RAB3C: variants seen among roughly 807,000 people sequenced by gnomAD.
The protein encoded by RAB3C is RAB3C, member RAS oncogene family.
Under a neutral mutation model 26.4 loss-of-function variants are expected in RAB3C, and 17 were observed. The ratio of observed to expected loss-of-function variants is 0.64; its 90% CI spans 0.44 to 0.97. The LOEUF is 0.97. Ranked by LOEUF, RAB3C falls within the 50% of genes least tolerant of loss-of-function variation. The pLI is 0.00. For missense variants in RAB3C, 242 were observed against 281.9 expected (o/e 0.86, Z 1.01); for synonymous variants, 91 against 95.9 (o/e 0.95, Z 0.30).
At chr5:58,753,902 C>G (rs996371797) in intron 3 of RAB3C, among the ~76,000 whole-genome samples, 5 of 152,040 alleles carry the variant, frequency 3.3e-5, no homozygotes, top group African/African-American at 1.2e-4. Flanking sequence ...AAACAGTAGC[C>G]CTTTAAATAT....
chr5:58,714,301 A>G (rs947279515), intron 2 of RAB3C, among the ~76,000 whole-genome samples: 10 of 148,502 alleles, frequency 6.7e-5, no homozygotes, highest in Admixed American at 2.0e-4. Context: ...GGTATCAACT[A>G]AAGCCTGAAG....
chr5:58,715,225 G>A (rs553855141), intron 2 of RAB3C, among the ~76,000 whole-genome samples: 1 of 151,314 alleles, frequency 6.6e-6, no homozygotes, highest in South Asian at 2.1e-4. Flanking sequence ...AGTTTCCTGT[G>A]CATCTTTTTT....
chr5:58,815,119 T>A (rs1743187760), intron 3 of RAB3C, among the ~76,000 whole-genome samples: 1 of 152,268 alleles, frequency 6.6e-6, no homozygotes, highest in East Asian at 1.9e-4. Flanking sequence ...TTCCAGGAGA[T>A]ATATTATTTT....
At chr5:58,798,538 A>G (rs1742727311) in intron 3 of RAB3C, among the ~76,000 whole-genome samples, 1 of 152,214 alleles carries the variant, frequency 6.6e-6, no homozygotes. Flanking sequence ...ACAGGTAGAA[A>G]ATTCCACACC....
chr5:58,729,882 CACATAT>C (rs949415973), intron 3 of RAB3C, among the ~76,000 whole-genome samples: 1 of 139,292 alleles, frequency 7.2e-6, no homozygotes, highest in Non-Finnish European at 1.5e-5. Context: ...ATTATATATA[CACATAT>C]ACATATACTA....
At chr5:58,734,523 G>A (rs1018512636) in intron 3 of RAB3C, among the ~76,000 whole-genome samples, 3 of 151,982 alleles carry the variant, frequency 2.0e-5, no homozygotes, top group Non-Finnish European at 2.9e-5. Context: ...TCTTATTGCT[G>A]GTCGGACCCA....
At chr5:58,834,220 A>C (rs1743683222) in intron 4 of RAB3C, among the ~76,000 whole-genome samples, 1 of 152,220 alleles carries the variant, frequency 6.6e-6, no homozygotes, top group Non-Finnish European at 1.5e-5. Flanking sequence ...AGGATCATTT[A>C]GTAAGCTGGG....
chr5:58,833,419 C>T (rs1743666013), intron 4 of RAB3C, among the ~76,000 whole-genome samples: 1 of 151,518 alleles, frequency 6.6e-6, no homozygotes, highest in Non-Finnish European at 1.5e-5. Flanking sequence ...TTTTTAGCTC[C>T]TTAGGTGATT....
intron 2 of RAB3C, among the ~76,000 whole-genome samples, chr5:58,715,478 A>G (rs183789492): frequency 6.6e-6 from 1 of 152,228 alleles, no homozygotes; most frequent in Non-Finnish European, 1.5e-5. Context: ...AGAATCTTGA[A>G]TAGGTGGAAC....
intron 2 of RAB3C, 109 bp from the exon 3 acceptor site, chr5:58,725,890 CACA>C (rs2111920005): frequency 3.3e-6 from 2 of 603,900 alleles, no homozygotes; most frequent in South Asian, 6.1e-5. Flanking sequence ...GACAGCTATA[CACA>C]ACAAGTACAT....
intron 4 of RAB3C, among the ~76,000 whole-genome samples, chr5:58,829,437 T>G (rs1743565401): frequency 6.6e-6 from 1 of 151,958 alleles, no homozygotes; most frequent in African/African-American, 2.4e-5. Flanking sequence ...AGAAAGAAAT[T>G]TATAGAGGAG....
chr5:58,805,439 G>T (rs1385591779), intron 3 of RAB3C, among the ~76,000 whole-genome samples: 1 of 151,902 alleles, frequency 6.6e-6, no homozygotes, highest in Non-Finnish European at 1.5e-5. Flanking sequence ...ACAAAAATTA[G>T]CCAGGTGTGG....
At chr5:58,582,902 G>A, upstream of RAB3C, 1 of 502,712 alleles carries the variant, frequency 2.0e-6, no homozygotes. Flanking sequence ...GAGGCTCCGC[G>A]GCCGAGCCCG....
chr5:58,747,105 T>G (rs1485412398), intron 3 of RAB3C, among the ~76,000 whole-genome samples: 1 of 152,196 alleles, frequency 6.6e-6, no homozygotes, highest in Non-Finnish European at 1.5e-5. Context: ...CAACAAAATC[T>G]TCTGGTTTTT....
intron 2 of RAB3C, among the ~76,000 whole-genome samples, chr5:58,665,998 T>C (rs555951332): frequency 6.6e-6 from 1 of 152,250 alleles, no homozygotes; most frequent in South Asian, 2.1e-4. Flanking sequence ...ACTAAAATAT[T>C]GAGGGACACA....
At chr5:58,810,156 A>G (rs1743036091) in intron 3 of RAB3C, among the ~76,000 whole-genome samples, 1 of 152,140 alleles carries the variant, frequency 6.6e-6, no homozygotes, top group African/African-American at 2.4e-5. Context: ...CTCCTCCTTC[A>G]GTCCAGTCTC....
intron 3 of RAB3C, among the ~76,000 whole-genome samples, chr5:58,773,279 C>T (rs184992340): frequency 2.3e-4 from 35 of 152,178 alleles, no homozygotes; most frequent in Admixed American, 2.1e-3. Context: ...GTTAAGGCAG[C>T]AGAGACTCAT....
At chr5:58,845,474 C>T (rs1743967510) in intron 4 of RAB3C, among the ~76,000 whole-genome samples, 1 of 151,434 alleles carries the variant, frequency 6.6e-6, no homozygotes, top group Admixed American at 6.6e-5. Context: ...GCATGGGAAC[C>T]ATTTTGTGGT....
At chr5:58,737,926 T>A (rs1245675605) in intron 3 of RAB3C, among the ~76,000 whole-genome samples, 2 of 152,152 alleles carry the variant, frequency 1.3e-5, no homozygotes, top group East Asian at 3.9e-4. Context: ...TTATCTTACA[T>A]AGTGAGCAAT....
Sources: allele counts gnomAD v4.1 joint callset (sites outside exome capture counted in the v4.1 genomes callset), GRCh38; gene constraint gnomAD v4.1.1; transcripts MANE v1.5; gene names NCBI Gene and HGNC (gene_info 2026-07-23, HGNC 2026-07-21).